SLC38A11: variants seen among roughly 807,000 people sequenced by gnomAD.
SLC38A11 encodes the protein putative sodium-coupled neutral amino acid transporter 11.
A neutral mutation model predicts 49.4 loss-of-function variants in SLC38A11; 51 were observed. That is an observed-to-expected ratio of 1.03 (90% CI 0.83 to 1.30). The LOEUF (loss-of-function observed/expected upper bound fraction) is 1.30. Ranked by LOEUF, SLC38A11 falls within the 50% of genes most tolerant of loss-of-function variation. SLC38A11 has a pLI of 0.00. For missense variants in SLC38A11, 574 were observed against 556.2 expected, an observed-to-expected ratio of 1.03 and a Z score of -0.32; for synonymous variants, 203 against 192.9, an observed-to-expected ratio of 1.05 and a Z score of -0.43.
chr2:164,905,752 T>G (rs1276710803), intron 11 of SLC38A11, among the ~76,000 whole-genome samples: 1 of 152,166 alleles, frequency 6.6e-6, no homozygotes, highest in Non-Finnish European at 1.5e-5. Context: ...AGCACTCTAA[T>G]TTTTAATGTA....
rs1684385983 is a variant in SLC38A11, at chr2:164,896,865, T to C, written c.*1572A>G. ...TCAGCTCTTGCCACTTTATTCAAAC[T>C]ACTGTGAACCTACCCTTTATACACT... is the stretch of plus-strand genomic sequence containing the variant. On this transcript the variant is annotated 3_prime_UTR_variant, in exon 12 of 12. Coordinates refer to ENST00000685975, the MANE Select transcript of SLC38A11 (RefSeq NM_001351537.2). 1 of 152,116 alleles carries C rather than the reference T, an allele frequency of 6.6e-6. No individual in the cohort carries two copies. Among genetic ancestry groups the C allele is most frequent in the Admixed American group, 6.6e-5 (1 of 15,242 alleles). 9.4% of individuals were successfully genotyped at this position (152,116 alleles called of 1,614,324 possible). A position where few individuals can be genotyped will look rare whatever the true frequency, so the allele number is the denominator to read the frequency against.
chr2:164,942,400 T>A, intron 5 of SLC38A11, among the ~76,000 whole-genome samples: 1 of 139,254 alleles, frequency 7.2e-6, no homozygotes, highest in Non-Finnish European at 1.5e-5. Context: ...GCCACTGCAC[T>A]CTAGCCTGGG....
intron 7 of SLC38A11, among the ~76,000 whole-genome samples, chr2:164,919,730 ATAG>A (rs1686047223): frequency 6.6e-6 from 1 of 152,214 alleles, no homozygotes; most frequent in Non-Finnish European, 1.5e-5. Flanking sequence ...TTCTATATAA[ATAG>A]TAGTCATACT....
intron 5 of SLC38A11, among the ~76,000 whole-genome samples, chr2:164,942,032 A>G (rs1687802729): frequency 6.6e-6 from 1 of 152,012 alleles, no homozygotes; most frequent in African/African-American, 2.4e-5. Flanking sequence ...GATTATTAGT[A>G]TTTTCTGTTT....
chr2:164,928,422 G>A (rs556688925), intron 7 of SLC38A11, among the ~76,000 whole-genome samples: 77 of 152,188 alleles, frequency 5.1e-4, no homozygotes, highest in Admixed American at 1.8e-3. Context: ...AAAACCAGAA[G>A]GCACATAGAT....
At chr2:164,919,142 C>A (rs2198571) in intron 7 of SLC38A11, among the ~76,000 whole-genome samples, 41,402 of 151,912 alleles carry the variant, frequency 0.27, 5,999 homozygotes, top group Admixed American at 0.41. Context: ...CTGGCCTGGG[C>A]AACACAGGGA....
intron 3 of SLC38A11, among the ~76,000 whole-genome samples, chr2:164,946,212 G>A (rs1411753004): frequency 5.9e-5 from 9 of 151,542 alleles, no homozygotes; most frequent in Admixed American, 4.0e-4. Flanking sequence ...AATAAAATTA[G>A]TAACTTTATT....
intron 9 of SLC38A11, chr2:164,912,048 C>T (rs975158084): frequency 5.2e-5 from 9 of 172,042 alleles, no homozygotes; most frequent in South Asian, 1.8e-4. Flanking sequence ...GATTTGTGTA[C>T]GTATACTCTG....
At chr2:164,913,788 A>G (rs1685572483) in intron 9 of SLC38A11, among the ~76,000 whole-genome samples, 1 of 152,072 alleles carries the variant, frequency 6.6e-6, no homozygotes, top group Non-Finnish European at 1.5e-5. Context: ...TTGGAACACA[A>G]TTCTTATCAG....
At chr2:164,948,837 G>A (rs755669617) in intron 3 of SLC38A11, among the ~76,000 whole-genome samples, 24 of 150,326 alleles carry the variant, frequency 1.6e-4, no homozygotes, top group South Asian at 4.2e-4. Context: ...TTGTTCAGTT[G>A]CATTTTGCAT....
chr2:164,952,777 C>T lies in SLC38A11; in HGVS notation c.159G>A (p.Leu53=). ...NSIIGSGIIG[L]PYSMKQAGFP... The stretch of plus-strand genomic sequence containing the variant: ...ACCCAGCTTGCTTCATTGAATAAGG[C>T]AATCCTGAAAAAACATAAAATGCCC... The change falls in exon 3 of 12, where the codon TTG becomes TTA. Residue 53 remains leucine (L), a synonymous_variant. Coordinates refer to ENST00000685975, the MANE Select transcript of SLC38A11 (RefSeq NM_001351537.2). 1 of 1,595,990 alleles carries T rather than the reference C, an allele frequency of 6.3e-7. No homozygotes were observed. Among genetic ancestry groups the T allele is most frequent in the Non-Finnish European group, 8.5e-7 (1 of 1,175,690 alleles).
intron 1 of SLC38A11, 45 bp downstream of exon 1, chr2:164,955,164 T>C (rs2105527143): frequency 6.5e-7 from 1 of 1,544,488 alleles, no homozygotes; most frequent in South Asian, 1.2e-5. Flanking sequence ...GTGAATGAAA[T>C]TTCCGGACAA....
intron 7 of SLC38A11, among the ~76,000 whole-genome samples, chr2:164,928,519 G>C (rs1386049285): frequency 6.6e-6 from 1 of 152,146 alleles, no homozygotes; most frequent in South Asian, 2.1e-4. Context: ...TGGGTATATA[G>C]TGTGAACAAA....
At chr2:164,954,191 T>C (rs1688699873) in intron 2 of SLC38A11, among the ~76,000 whole-genome samples, 1 of 152,200 alleles carries the variant, frequency 6.6e-6, no homozygotes, top group South Asian at 2.1e-4. Context: ...ATTGGTATGT[T>C]TTCATATTAA....
At chr2:164,910,684 GCT>G (rs1278490638) in intron 10 of SLC38A11, among the ~76,000 whole-genome samples, 1 of 152,066 alleles carries the variant, frequency 6.6e-6, no homozygotes, top group Admixed American at 6.6e-5. Flanking sequence ...TGTATTTAAA[GCT>G]CTGTAGATAT....
At chr2:164,909,513 CTAGAAG>C (rs1200066935) in intron 10 of SLC38A11, among the ~76,000 whole-genome samples, 2 of 150,416 alleles carry the variant, frequency 1.3e-5, no homozygotes, top group African/African-American at 2.5e-5. Flanking sequence ...GAATTTAGGA[CTAGAAG>C]GAGCTTTAGG....
chr2:164,952,677 G>T, intron 3 of SLC38A11, 30 bp downstream of exon 3: 1 of 1,403,732 alleles, frequency 7.1e-7, no homozygotes, highest in Non-Finnish European at 1.0e-6. Context: ...AGTTGAAGTT[G>T]CAGAAATAAG....
intron 3 of SLC38A11, among the ~76,000 whole-genome samples, chr2:164,948,102 T>C (rs535911052): frequency 6.6e-6 from 1 of 152,154 alleles, no homozygotes; most frequent in Non-Finnish European, 1.5e-5. Flanking sequence ...CTGTGTGACT[T>C]TGGGTGAAAG....
intron 7 of SLC38A11, among the ~76,000 whole-genome samples, chr2:164,923,014 C>T (rs1686320636): frequency 6.6e-6 from 1 of 152,172 alleles, no homozygotes; most frequent in South Asian, 2.1e-4. Context: ...AGATAACTGG[C>T]TAACCATATG....
Sources: gnomAD v4.1 joint callset for allele counts (sites outside exome capture counted in the v4.1 genomes callset) on GRCh38, gnomAD v4.1.1 for gene constraint, MANE v1.5 for transcripts, NCBI Gene and HGNC (gene_info 2026-07-23, HGNC 2026-07-21) for gene names.